The following CEP70 variants were observed in gnomAD, a reference collection of about 807,000 sequenced individuals.
CEP70 encodes the protein centrosomal protein 70, also known as centrosomal protein of 70 kDa.
In CEP70, 70 loss-of-function variants were observed where a neutral mutation model predicts 90.9. The observed-to-expected ratio is 0.77, with a 90% CI of 0.64 to 0.94. The LOEUF (loss-of-function observed/expected upper bound fraction) is 0.94. CEP70 is among the 40% of genes least tolerant of loss of function. CEP70 has a pLI of 0.00. For synonymous variants in CEP70, 220 were observed against 228.3 expected (o/e 0.96, Z 0.33); for missense variants, 648 against 669.0 (o/e 0.97, Z 0.35).
intron 11 of CEP70, among the ~76,000 whole-genome samples, chr3:138,524,242 T>G (rs2036980147): frequency 6.6e-6 from 1 of 151,748 alleles, no homozygotes; most frequent in African/African-American, 2.4e-5. Context: ...GATTAAAGAC[T>G]TACATGTTAG....
Position 138,555,910 on chromosome 3 carries a change from C to T in CEP70, c.465+14408G>A, listed in dbSNP as rs190690600. On this transcript the variant is annotated intron_variant, in intron 6 of 17. Coordinates refer to ENST00000264982, the MANE Select transcript of CEP70 (RefSeq NM_024491.4). ...ACCATTTGATCCAACAATCCCACTA[C>T]TGGGTATCTACCCAGAGGAAAAGAA... Among the ~76,000 whole-genome samples the T allele has an allele frequency of 5.0e-3, 756 of 152,330 alleles. 6 individuals are homozygous for T. Among genetic ancestry groups the T allele is most frequent in the Non-Finnish European group, 8.6e-3 (584 of 68,030 alleles).
chr3:138,576,481 A>G (rs1441200679), intron 2 of CEP70, among the ~76,000 whole-genome samples: 1 of 152,216 alleles, frequency 6.6e-6, no homozygotes, highest in East Asian at 1.9e-4. Context: ...AAAGAGACTT[A>G]GACTCCCACA....
chr3:138,515,553 GATC>G (rs1483200773), intron 11 of CEP70, among the ~76,000 whole-genome samples: 1 of 150,948 alleles, frequency 6.6e-6, no homozygotes, highest in Non-Finnish European at 1.5e-5. Flanking sequence ...CAACAGGGCA[GATC>G]ATCATCTTGT....
chr3:138,496,526 AC>A (rs1182858200), intron 17 of CEP70: 1 of 985,220 alleles, frequency 1.0e-6, no homozygotes, highest in Non-Finnish European at 1.2e-6. Flanking sequence ...TAAGTGAGAA[AC>A]CTGCCTTACA....
chr3:138,495,413 G>A (rs1427099802), intron 17 of CEP70, among the ~76,000 whole-genome samples: 1 of 152,200 alleles, frequency 6.6e-6, no homozygotes, highest in African/African-American at 2.4e-5. Context: ...CACTACACGG[G>A]TGCATCTACA....
chr3:138,518,505 A>G (rs1047086157), intron 11 of CEP70, among the ~76,000 whole-genome samples: 1 of 152,192 alleles, frequency 6.6e-6, no homozygotes, highest in South Asian at 2.1e-4. Flanking sequence ...ATGATCGGGC[A>G]GCAACATTTG....
intron 3 of CEP70, among the ~76,000 whole-genome samples, chr3:138,571,928 G>A (rs1026420689): frequency 1.3e-4 from 20 of 151,984 alleles, no homozygotes; most frequent in Non-Finnish European, 2.4e-4. Context: ...ACAGGCGCCC[G>A]CCACCACGCC....
At chr3:138,538,028 G>A (rs2038433198) in intron 6 of CEP70, among the ~76,000 whole-genome samples, 1 of 152,066 alleles carries the variant, frequency 6.6e-6, no homozygotes, top group African/African-American at 2.4e-5. Flanking sequence ...TAATCTGCAA[G>A]GAATTGCCTG....
chr3:138,507,931 T>TG (rs1227559049), intron 12 of CEP70, among the ~76,000 whole-genome samples: 1 of 152,238 alleles, frequency 6.6e-6, no homozygotes, highest in African/African-American at 2.4e-5. Context: ...AAAATGTGAG[T>TG]GAAAGTCCAG....
chr3:138,589,179 T>C (rs1050368566), intron 2 of CEP70, among the ~76,000 whole-genome samples: 9 of 152,254 alleles, frequency 5.9e-5, no homozygotes, highest in Middle Eastern at 6.8e-3. Context: ...TTATACTACA[T>C]ATGTGCAGCT....
chr3:138,507,232 T>C (rs1033721894), intron 12 of CEP70, among the ~76,000 whole-genome samples: 3 of 152,132 alleles, frequency 2.0e-5, no homozygotes, highest in Non-Finnish European at 2.9e-5. Context: ...ACAAGAAATA[T>C]GCAAGAGCTA....
chr3:138,530,574 T>C, intron 8 of CEP70: 2 of 985,358 alleles, frequency 2.0e-6, no homozygotes, highest in Non-Finnish European at 2.4e-6. Flanking sequence ...AGAGAAGCTT[T>C]TGCCACTGCG....
intron 2 of CEP70, among the ~76,000 whole-genome samples, chr3:138,590,096 G>A (rs1399661333): frequency 1.3e-5 from 2 of 150,652 alleles, no homozygotes; most frequent in Non-Finnish European, 3.0e-5. Context: ...AACAGAGAGA[G>A]AAGAAAAAAT....
chr3:138,574,141 T>C lies in CEP70; in HGVS notation c.-5-1209A>G, dbSNP rs150087856. Among the ~76,000 whole-genome samples the C allele has an allele frequency of 5.2e-3, 794 of 152,220 alleles. 7 individuals carry two copies. The highest frequency in any genetic ancestry group is 0.018 in the African/African-American group (764 of 41,546). On this transcript the variant is annotated intron_variant, in intron 2 of 17. Transcript: ENST00000264982. ...GGCGAGCCGAAGCAGGGTGGGGCAT[T>C]GCCTCACCCAGGAAGTGCAAGAGTA... is the stretch of plus-strand genomic sequence containing the variant.
At chr3:138,559,037 A>T (rs2040214540) in intron 6 of CEP70, among the ~76,000 whole-genome samples, 1 of 152,236 alleles carries the variant, frequency 6.6e-6, no homozygotes, top group East Asian at 1.9e-4. Flanking sequence ...TCCCAAAATC[A>T]GACACAGATT....
intron 2 of CEP70, among the ~76,000 whole-genome samples, chr3:138,575,386 G>A (rs1176464438): frequency 1.3e-5 from 2 of 152,170 alleles, no homozygotes; most frequent in Non-Finnish European, 2.9e-5. Flanking sequence ...AATGAAGCGA[G>A]AAGAGAAGTT....
Position 138,530,540 on chromosome 3 carries a change from C to T in CEP70, c.693-1078G>A, listed in dbSNP as rs1166120023. On this transcript the variant is annotated intron_variant, in intron 8 of 17. Transcript: ENST00000264982. ...CAACAACAAAAAACTTCGGACAACACTGGCCTTAAAAAAATGGACAAGCAG... is the reference window on the plus strand; with the variant it reads ...CAACAACAAAAAACTTCGGACAACATTGGCCTTAAAAAAATGGACAAGCAG... 4.1e-6 allele frequency: 4 copies of T among 978,450 alleles called. No individual in the cohort carries two copies. The East Asian group carries it at 3.4e-4, about 83-fold the overall frequency. 60.6% of individuals were successfully genotyped at this position (978,450 alleles called of 1,614,324 possible). A position where few individuals can be genotyped will look rare whatever the true frequency, so the allele number is the denominator to read the frequency against.
chr3:138,592,092 G>A (rs1450783502), intron 1 of CEP70, 136 bp from the exon 2 acceptor site: 1 of 502,848 alleles, frequency 2.0e-6, no homozygotes. Flanking sequence ...TGAAATAACT[G>A]CTAATGGCCT....
chr3:138,543,833 T>TC (rs2038955353), intron 6 of CEP70, among the ~76,000 whole-genome samples: 1 of 151,210 alleles, frequency 6.6e-6, no homozygotes, highest in African/African-American at 2.4e-5. Flanking sequence ...AACAAAAAGC[T>TC]CCCCCTCAAA....
Sources: gnomAD v4.1 joint callset for allele counts (sites outside exome capture counted in the v4.1 genomes callset) on GRCh38, gnomAD v4.1.1 for gene constraint, MANE v1.5 for transcripts, NCBI Gene and HGNC (gene_info 2026-07-23, HGNC 2026-07-21) for gene names.